Variants in USH2A observed in about 807,000 individuals in gnomAD.
The protein encoded by USH2A is Usher syndrome 2A (autosomal recessive, mild).
In USH2A, 443 loss-of-function variants were observed where a neutral mutation model predicts 538.9. That is an observed-to-expected ratio of 0.82 (90% CI 0.76 to 0.89). The LOEUF is 0.89. Ranked by LOEUF, USH2A falls within the 40% of genes least tolerant of loss-of-function variation. The pLI is 0.00. For missense variants in USH2A, 6,633 were observed against 6,324.8 expected (o/e 1.05, Z -1.65); for synonymous variants, 2,413 against 2,273.5 (o/e 1.06, Z -1.75).
intron 14 of USH2A, among the ~76,000 whole-genome samples, chr1:216,223,717 T>C (rs2102506713): frequency 6.6e-6 from 1 of 152,188 alleles, no homozygotes; most frequent in South Asian, 2.1e-4. Context: ...AAAGAGTCAC[T>C]GAGGAGAGGG....
intron 61 of USH2A, among the ~76,000 whole-genome samples, chr1:215,694,535 T>C (rs1428079857): frequency 6.6e-6 from 1 of 152,218 alleles, no homozygotes; most frequent in African/African-American, 2.4e-5. Flanking sequence ...ATCACGCCAC[T>C]GCACTCCAGC....
intron 3 of USH2A, among the ~76,000 whole-genome samples, chr1:216,368,663 T>C (rs1050131023): frequency 6.6e-6 from 1 of 152,222 alleles, no homozygotes; most frequent in Non-Finnish European, 1.5e-5. Flanking sequence ...CATTTTAATA[T>C]GCTAGATAGT....
intron 35 of USH2A, among the ~76,000 whole-genome samples, chr1:215,981,240 G>T (rs961002904): frequency 1.3e-5 from 2 of 152,000 alleles, no homozygotes; most frequent in Non-Finnish European, 2.9e-5. Context: ...TTTGTGAAAT[G>T]ACTTTTCAGA....
chr1:216,306,999 T>G (rs1031442560), intron 9 of USH2A, among the ~76,000 whole-genome samples: 1 of 152,118 alleles, frequency 6.6e-6, no homozygotes, highest in Non-Finnish European at 1.5e-5. Flanking sequence ...ACTAGTTTTG[T>G]GTTGGTTGGC....
intron 61 of USH2A, among the ~76,000 whole-genome samples, chr1:215,709,645 T>TAAAAAAAAAAAAAAAAAAAAAAAA (rs5780846): frequency 7.9e-6 from 1 of 127,036 alleles, no homozygotes; most frequent in Non-Finnish European, 1.6e-5. Context: ...AGATAATTTG[T>TAAAAAAAAAAAAAAAAAAAAAAAA]AAAAAAAAAA....
At chr1:216,093,157 G>T (rs1031505720) in intron 22 of USH2A, among the ~76,000 whole-genome samples, 1 of 151,968 alleles carries the variant, frequency 6.6e-6, no homozygotes, top group Non-Finnish European at 1.5e-5. Flanking sequence ...TAGAAACGGG[G>T]TTTCACCATC....
intron 61 of USH2A, among the ~76,000 whole-genome samples, chr1:215,714,167 TAAG>T (rs1368511399): frequency 6.6e-6 from 1 of 152,158 alleles, no homozygotes; most frequent in African/African-American, 2.4e-5. Flanking sequence ...TTAGGTGAAA[TAAG>T]AAGCATAACA....
chr1:215,687,988 A>G lies in USH2A; in HGVS notation c.12067-7612T>C, dbSNP rs540776455. The stretch of plus-strand genomic sequence containing the variant: ...CAGAGGGAGATAGAGAGATCAAGAC[A>G]TAGAGAGAGAATTGGAAATTGTGGT... On this transcript the variant is annotated intron_variant, in intron 61 of 71. Coordinates refer to ENST00000307340, the MANE Select transcript of USH2A (RefSeq NM_206933.4). Among the ~76,000 whole-genome samples, 3 of 152,256 alleles carry G rather than the reference A, an allele frequency of 2.0e-5. No individual in the cohort carries two copies. In the East Asian group the frequency reaches 5.8e-4, roughly 29 times the overall value.
At chr1:216,283,210 C>G (rs2036815824) in intron 11 of USH2A, among the ~76,000 whole-genome samples, 1 of 152,082 alleles carries the variant, frequency 6.6e-6, no homozygotes, top group African/African-American at 2.4e-5. Context: ...CCTCAGCCTC[C>G]CCAGTAGCTG....
At position 216,053,454 on chromosome 1, in the gene USH2A, C is replaced by CTT. The variant is rs34981846; in HGVS notation, c.6050-4809_6050-4808dup. On this transcript the variant is annotated intron_variant, in intron 30 of 71. Coordinates refer to ENST00000307340, the MANE Select transcript of USH2A (RefSeq NM_206933.4). Reference sequence around the variant, plus strand: ...TGTTTGGGACACATCCCAGAGAAGTCTTTTTTTTTTTTTTTTTTTTGAGAG... The same window carrying CTT: ...TGTTTGGGACACATCCCAGAGAAGTCTTTTTTTTTTTTTTTTTTTTTTGAGAG... 2.5e-3 allele frequency among the ~76,000 whole-genome samples: 280 copies of CTT among 111,142 alleles called. 4 individuals carry two copies. The highest frequency in any genetic ancestry group is 7.4e-3 in the African/African-American group (224 of 30,258). 72.9% of individuals were successfully genotyped at this position (111,142 alleles called of 152,430 possible).
intron 21 of USH2A, among the ~76,000 whole-genome samples, chr1:216,129,551 T>C (rs1292246705): frequency 2.6e-5 from 4 of 151,844 alleles, no homozygotes; most frequent in Non-Finnish European, 5.9e-5. Flanking sequence ...ATGAAAGAAA[T>C]TGAAAAAGAT....
intron 15 of USH2A, among the ~76,000 whole-genome samples, chr1:216,216,105 A>G (rs1175819801): frequency 3.9e-5 from 6 of 152,158 alleles, no homozygotes; most frequent in African/African-American, 1.4e-4. Flanking sequence ...ATATGCTAGA[A>G]TTTTTGTTGC....
intron 15 of USH2A, among the ~76,000 whole-genome samples, chr1:216,208,387 A>G (rs1296028417): frequency 1.3e-5 from 2 of 152,170 alleles, no homozygotes; most frequent in African/African-American, 4.8e-5. Context: ...CTTTTAAACC[A>G]TTCATCTTTT....
chr1:216,199,600 AG>A, intron 17 of USH2A, 26 bp downstream of exon 17: 1 of 1,613,524 alleles, frequency 6.2e-7, no homozygotes, highest in Non-Finnish European at 8.5e-7. Context: ...TTGACCAAAA[AG>A]GGGAATCTCA....
In USH2A at chr1:216,410,955, C is replaced by T. The variant is rs115571553; in HGVS notation, c.651+7559G>A. Among the ~76,000 whole-genome samples, 1,494 of 152,252 alleles carry T rather than the reference C, an allele frequency of 9.8e-3. 22 individuals are homozygous for T. The highest frequency in any genetic ancestry group is 0.034 in the African/African-American group (1,409 of 41,566). ...CCCTTCACACTTGTCTTCAAGCAAA[C>T]CATTCTCCCTCACTGCAGCCAAAGT... On this transcript the variant is annotated intron_variant, in intron 3 of 71. Transcript: ENST00000307340.
intron 41 of USH2A, among the ~76,000 whole-genome samples, chr1:215,884,681 G>A (rs1017618650): frequency 1.3e-5 from 2 of 152,150 alleles, no homozygotes; most frequent in Non-Finnish European, 2.9e-5. Context: ...ATTTTAAGTA[G>A]ACATCAAACA....
chr1:215,929,592 A>G lies in USH2A; in HGVS notation c.7300+5024T>C, dbSNP rs115155966. Among the ~76,000 whole-genome samples the G allele has an allele frequency of 8.8e-3, 1,333 of 152,164 alleles. 13 individuals are homozygous for G. The highest frequency in any genetic ancestry group is 0.031 in the African/African-American group (1,282 of 41,528). On this transcript the variant is annotated intron_variant, in intron 38 of 71. Coordinates refer to ENST00000307340, the MANE Select transcript of USH2A (RefSeq NM_206933.4). ...TATAGGGCATTTTCCAGGTCCCCAA[A>G]AAGAGTCTTAGTAGGAAAATAGAAC...
intron 45 of USH2A, among the ~76,000 whole-genome samples, chr1:215,844,843 G>A (rs1663795994): frequency 6.6e-6 from 1 of 152,086 alleles, no homozygotes; most frequent in East Asian, 1.9e-4. Flanking sequence ...CCAAGGTGCA[G>A]GGGAGGGAGG....
chr1:215,649,670 T>C (rs1330929642), intron 65 of USH2A, among the ~76,000 whole-genome samples: 1 of 152,196 alleles, frequency 6.6e-6, no homozygotes, highest in Non-Finnish European at 1.5e-5. Flanking sequence ...GTTGAAATTG[T>C]GTTTCAATAC....
Sources: gnomAD v4.1 joint callset for allele counts (sites outside exome capture counted in the v4.1 genomes callset) on GRCh38, gnomAD v4.1.1 for gene constraint, MANE v1.5 for transcripts, NCBI Gene and HGNC (gene_info 2026-07-23, HGNC 2026-07-21) for gene names.